Variants in CYFIP1 observed in about 807,000 individuals in gnomAD.
CYFIP1 encodes cytoplasmic FMR1-interacting protein 1.
A neutral mutation model predicts 163.5 loss-of-function variants in CYFIP1; 58 were observed. The observed-to-expected ratio is 0.35, with a 90% CI of 0.29 to 0.44. The LOEUF is 0.44. Ranked by LOEUF, CYFIP1 falls within the 20% of genes least tolerant of loss-of-function variation. The pLI is 1.00. For missense variants in CYFIP1, 1,338 were observed against 1,653.8 expected (o/e 0.81, Z 3.31); for synonymous variants, 663 against 660.7 (o/e 1.00, Z -0.05).
chr15:22,926,060 G>A lies in CYFIP1; in HGVS notation c.1281C>T (p.Asp427=), dbSNP rs544084062. The A allele has an allele frequency of 9.3e-6, 15 of 1,614,098 alleles. 1 individual carries two copies. In the East Asian group the frequency reaches 3.1e-4, roughly 34 times the overall value. ...VHPTDKYSNK[D]CPDSAEEYER... Reference sequence around the variant, plus strand: ...CGTACTCTTCAGCGCTGTCGGGGCAGTCCTTGTTGGAGTACTTGTCGGTGG... The same window carrying A: ...CGTACTCTTCAGCGCTGTCGGGGCAATCCTTGTTGGAGTACTTGTCGGTGG... The change falls in exon 13 of 31, where the codon GAC becomes GAT. Residue 427 remains aspartate (D), a synonymous_variant. Transcript: ENST00000617928.
intron 1 of CYFIP1, among the ~76,000 whole-genome samples, chr15:22,965,712 T>A (rs1372610285): frequency 6.6e-6 from 1 of 152,202 alleles, no homozygotes; most frequent in Non-Finnish European, 1.5e-5. Flanking sequence ...CCTGTATTTT[T>A]ATCTAACAGG....
rs1353340598 is a variant in CYFIP1, at chr15:22,951,643, G to T, written c.-6-4352C>A. On this transcript the variant is annotated intron_variant, in intron 1 of 30. Transcript: ENST00000617928. ...TCCAGTCATGCCCGGGCCCCACGCG[G>T]GTCAACAAGAAGACAGGTCGGACCG... 5 of 1,015,976 alleles carry T rather than the reference G, an allele frequency of 4.9e-6. No individual in the cohort carries two copies. The East Asian group carries it at 3.1e-4, about 63-fold the overall frequency. The allele number at this position is 1,015,976 out of a possible 1,614,324, so 62.9% of individuals were successfully genotyped here. A position where few individuals can be genotyped will look rare whatever the true frequency, so the allele number is the denominator to read the frequency against.
intron 1 of CYFIP1, among the ~76,000 whole-genome samples, chr15:22,961,987 C>G (rs76367276): frequency 0.11 from 17,002 of 152,160 alleles, 1,082 homozygotes; most frequent in Middle Eastern, 0.12. Context: ...CCAGCCCAGG[C>G]CCAGGGAAGG....
At chr15:22,931,260 C>A (rs2061527831) in intron 11 of CYFIP1, among the ~76,000 whole-genome samples, 4 of 152,170 alleles carry the variant, frequency 2.6e-5, no homozygotes, top group Admixed American at 2.6e-4. Flanking sequence ...TCCCTGCCAG[C>A]AATTTGCAGC....
intron 24 of CYFIP1, 67 bp from the exon 25 acceptor site, chr15:22,882,003 G>T: frequency 7.2e-7 from 1 of 1,382,122 alleles, no homozygotes; most frequent in South Asian, 1.2e-5. Flanking sequence ...TGTGGCCGGC[G>T]CATACCCTGA....
At chr15:22,912,412 GTCC>G (rs1181807984) in intron 17 of CYFIP1, 137 bp from the exon 18 acceptor site, 18 of 601,272 alleles carry the variant, frequency 3.0e-5, no homozygotes, top group Admixed American at 1.8e-4. Flanking sequence ...TCAAACACCA[GTCC>G]TCCTGTGAAA....
intron 13 of CYFIP1, among the ~76,000 whole-genome samples, chr15:22,922,409 C>T (rs1051992333): frequency 5.3e-5 from 8 of 152,230 alleles, no homozygotes; most frequent in Admixed American, 2.0e-4. Context: ...GAAATAAGCA[C>T]GTCCCGTGCA....
chr15:22,939,557 T>TAAAAAAAAAAAA, intron 6 of CYFIP1, 50 bp from the exon 7 acceptor site: 1 of 285,752 alleles, frequency 3.5e-6, no homozygotes, highest in Non-Finnish European at 5.6e-6. Context: ...GTGCCACATT[T>TAAAAAAAAAAAA]AAAAAAAAAA....
intron 1 of CYFIP1, among the ~76,000 whole-genome samples, chr15:22,979,777 T>G (rs1422504050): frequency 6.6e-6 from 1 of 152,124 alleles, no homozygotes; most frequent in Non-Finnish European, 1.5e-5. Context: ...CCGGAATGGC[T>G]CCGCGGACCA....
At chr15:22,942,900 CA>C (rs765297998) in intron 6 of CYFIP1, among the ~76,000 whole-genome samples, 3 of 152,194 alleles carry the variant, frequency 2.0e-5, no homozygotes, top group Non-Finnish European at 4.4e-5. Context: ...TCTGTCTTCC[CA>C]GGGGCTCGAA....
chr15:22,926,299 G>A (rs992750983), intron 12 of CYFIP1, among the ~76,000 whole-genome samples, 192 bp from the exon 13 acceptor site: 36 of 152,124 alleles, frequency 2.4e-4, no homozygotes, highest in African/African-American at 7.7e-4. Flanking sequence ...GTAACCTCTC[G>A]TTTAAAAAAT....
intron 13 of CYFIP1, among the ~76,000 whole-genome samples, chr15:22,922,028 G>T (rs2061201385): frequency 6.6e-6 from 1 of 152,110 alleles, no homozygotes; most frequent in Admixed American, 6.6e-5. Flanking sequence ...AATCAAGGTG[G>T]ACCCTTGTGC....
intron 1 of CYFIP1, among the ~76,000 whole-genome samples, chr15:22,978,253 G>A (rs1048635821): frequency 2.7e-5 from 4 of 149,928 alleles, no homozygotes; most frequent in Admixed American, 1.3e-4. Context: ...TCAGGGGGCT[G>A]AGGTGGGAGA....
intron 13 of CYFIP1, 52 bp downstream of exon 13, chr15:22,925,930 T>TG: frequency 7.5e-6 from 12 of 1,595,646 alleles, no homozygotes; most frequent in Non-Finnish European, 1.0e-5. Context: ...ACAGAGAAGA[T>TG]GGTGTGAAGC....
chr15:22,970,710 A>G (rs963427434), intron 1 of CYFIP1, among the ~76,000 whole-genome samples: 18 of 152,236 alleles, frequency 1.2e-4, no homozygotes, highest in Non-Finnish European at 1.6e-4. Context: ...TCTTTTCAAC[A>G]AATTGTGTTA....
At position 22,885,694 on chromosome 15, in the gene CYFIP1, T is replaced by C. The variant is rs535059334; in HGVS notation, c.2677-2683A>G. ...GTTGCAGTGAGCTGAGATTGCGCCATTGCACTCCAGCCTGGGCAACAGGGT... is the reference window on the plus strand; with the variant it reads ...GTTGCAGTGAGCTGAGATTGCGCCACTGCACTCCAGCCTGGGCAACAGGGT... On this transcript the variant is annotated intron_variant, in intron 23 of 30. Transcript: ENST00000617928. Among the ~76,000 whole-genome samples the C allele has an allele frequency of 1.6e-3, 251 of 152,208 alleles. 2 individuals are homozygous for C. The highest frequency in any genetic ancestry group is 5.7e-3 in the African/African-American group (237 of 41,522).
At chr15:22,883,816 CAAAA>C (rs34623284) in intron 23 of CYFIP1, among the ~76,000 whole-genome samples, 5 of 74,902 alleles carry the variant, frequency 6.7e-5, no homozygotes, top group Admixed American at 1.5e-4. Flanking sequence ...GACTTCATCT[CAAAA>C]AAAAAAAAAA....
At chr15:22,904,232 C>G in intron 21 of CYFIP1, 2 of 414,916 alleles carry the variant, frequency 4.8e-6, no homozygotes, top group South Asian at 4.9e-5. Context: ...CGGCCCTGCC[C>G]TGCAGTATAA....
chr15:22,963,546 T>TAACATAA (rs2062776840), intron 1 of CYFIP1, among the ~76,000 whole-genome samples: 15 of 134,726 alleles, frequency 1.1e-4, no homozygotes, highest in Admixed American at 2.9e-4. Context: ...TAACATAACA[T>TAACATAA]AACATAACAT....
Sources: allele counts gnomAD v4.1 joint callset (sites outside exome capture counted in the v4.1 genomes callset), GRCh38; gene constraint gnomAD v4.1.1; transcripts MANE v1.5; gene names NCBI Gene and HGNC (gene_info 2026-07-23, HGNC 2026-07-21).